Variants in SLC12A9 observed in about 807,000 individuals in gnomAD.
The protein encoded by SLC12A9 is solute carrier family 12 member 9.
Under a neutral mutation model 66.0 loss-of-function variants are expected in SLC12A9, and 55 were observed. That is an observed-to-expected ratio of 0.83 (90% CI 0.67 to 1.04). SLC12A9 has a LOEUF of 1.04. Among genes scored for constraint, SLC12A9 ranks in the 50% least tolerant of loss-of-function variants. The pLI is 0.00. For missense variants in SLC12A9, 1,061 were observed against 1,241.9 expected, an observed-to-expected ratio of 0.85 and a Z score of 2.19; for synonymous variants, 577 against 569.0, an observed-to-expected ratio of 1.01 and a Z score of -0.20.
chr7:100,866,254 G>C lies in SLC12A9; in HGVS notation c.2394G>C (p.Val798=). The C allele has an allele frequency of 6.3e-7, 1 of 1,588,328 alleles. No homozygotes were observed. Among genetic ancestry groups the C allele is most frequent in the Non-Finnish European group, 8.6e-7 (1 of 1,167,374 alleles). ...LLSQLRIRAE[V]QEVVWGEGAG... ...GCCAACTGAGGATCCGGGCTGAGGT[G>C]CAGGAGGTGGTGTGGGGCGAGGGGG... Residue 798 remains valine (V), a synonymous_variant, in exon 14 of 14, where the codon GTG becomes GTC. Transcript: ENST00000354161. This position sits in a 1 kb window ranked among gnomAD's most constrained non-coding sequence, Gnocchi z 7.3.
rs758932810 is a variant in SLC12A9, at chr7:100,866,632, G to C, written c.*27G>C. ...GCCCCTGCCTCCAGGGCTAGGTAGA[G>C]AGGGCCCAGGCAGGCGGCCTATCCT... On this transcript the variant is annotated 3_prime_UTR_variant, in exon 14 of 14. Coordinates refer to ENST00000354161, the MANE Select transcript of SLC12A9 (RefSeq NM_020246.4). This position sits in a 1 kb window ranked among gnomAD's most constrained non-coding sequence, Gnocchi z 7.3. 7 of 1,500,658 alleles carry C rather than the reference G, an allele frequency of 4.7e-6. No individual in the cohort carries two copies. Among genetic ancestry groups the C allele is most frequent in the Middle Eastern group, 1.7e-4 (1 of 5,728 alleles). 93.0% of individuals were successfully genotyped at this position (1,500,658 alleles called of 1,614,324 possible).
chr7:100,858,689 G>A, intron 5 of SLC12A9, 146 bp from the exon 6 acceptor site: 1 of 694,510 alleles, frequency 1.4e-6, no homozygotes, highest in Non-Finnish European at 2.5e-6. Flanking sequence ...CTGACCCAGG[G>A]CCAGTGCAGG....
intron 5 of SLC12A9, chr7:100,858,225 A>G (rs1031350756): frequency 6.6e-6 from 1 of 152,082 alleles, no homozygotes; most frequent in African/African-American, 2.4e-5. Context: ...CAGCCTGGCC[A>G]ACATGGTGAA....
intron 1 of SLC12A9, chr7:100,853,160 A>C (rs1411131726): frequency 6.7e-6 from 1 of 149,572 alleles, no homozygotes; most frequent in Admixed American, 6.7e-5. Context: ...AAGAGTTGGA[A>C]GTTTCTTGTT....
Position 100,861,335 on chromosome 7 carries a change from C to T in SLC12A9, c.1344-57C>T. ...GGCTCAGGCGTGGGGCTGGGGACTG[C>T]AGCCTCGTGTGCGGCCTGCCCTGAG... On this transcript the variant is annotated intron_variant, in intron 10 of 13. Transcript: ENST00000354161. This position sits in a 1 kb window ranked among gnomAD's most constrained non-coding sequence, Gnocchi z 5.3. 2 of 1,611,590 alleles carry T rather than the reference C, an allele frequency of 1.2e-6. No individual in the cohort carries two copies. Among genetic ancestry groups the T allele is most frequent in the Admixed American group, 1.7e-5 (1 of 59,980 alleles).
intron 1 of SLC12A9, among the ~76,000 whole-genome samples, chr7:100,845,875 T>C (rs1813900547): frequency 6.6e-6 from 1 of 152,226 alleles, no homozygotes; most frequent in African/African-American, 2.4e-5. Context: ...CTGAATCATA[T>C]GGTTACAAGC....
Position 100,861,728 on chromosome 7 carries a change from T to C in SLC12A9, c.1537-9T>C. On this transcript the variant is annotated splice_polypyrimidine_tract_variant and intron_variant, in intron 11 of 13. Coordinates refer to ENST00000354161, the MANE Select transcript of SLC12A9 (RefSeq NM_020246.4). The surrounding 1 kb of genome is among the most constrained non-coding windows in gnomAD (Gnocchi z 5.3). The stretch of plus-strand genomic sequence containing the variant: ...TGCCACTTCCCCACTGCCTCACCCC[T>C]ATACCCAGGTGCGTAAGTATCTGCT... The C allele has an allele frequency of 6.2e-7, 1 of 1,614,144 alleles. No homozygotes were observed.
Position 100,862,670 on chromosome 7 carries a change from C to G in SLC12A9, c.1712-11C>G. The G allele has an allele frequency of 1.2e-6, 2 of 1,613,286 alleles. No individual in the cohort carries two copies. The highest frequency in any genetic ancestry group is 1.7e-6 in the Non-Finnish European group (2 of 1,179,318). ...ACACTGGCTACCTTCCTTTCCTTATCTTCTCTGTAGACTCCCTGCCCTCGG... is the reference window on the plus strand; with the variant it reads ...ACACTGGCTACCTTCCTTTCCTTATGTTCTCTGTAGACTCCCTGCCCTCGG... On this transcript the variant is annotated splice_polypyrimidine_tract_variant and intron_variant, in intron 12 of 13. Coordinates refer to ENST00000354161, the MANE Select transcript of SLC12A9 (RefSeq NM_020246.4).
In SLC12A9 at chr7:100,862,733, G is replaced by C; in HGVS notation, c.1764G>C (p.Leu588=). ...VQPQYGAWLS[L]VDRAQVKAFV... ...CGCAGTATGGGGCATGGCTCAGCCTGGTGGACCGTGCCCAGGTGAAGGCTT... is the reference window on the plus strand; with the variant it reads ...CGCAGTATGGGGCATGGCTCAGCCTCGTGGACCGTGCCCAGGTGAAGGCTT... The change falls in exon 13 of 14, where the codon CTG becomes CTC. Residue 588 remains leucine (L), a synonymous_variant. Transcript: ENST00000354161. 6.2e-7 allele frequency: 1 copy of C among 1,614,212 alleles called. No individual in the cohort carries two copies. Among genetic ancestry groups the C allele is most frequent in the South Asian group, 1.1e-5 (1 of 91,088 alleles).
At chr7:100,843,779 G>T (rs895143054) in intron 1 of SLC12A9, among the ~76,000 whole-genome samples, 3 of 152,198 alleles carry the variant, frequency 2.0e-5, no homozygotes, top group African/African-American at 7.2e-5. Flanking sequence ...AGCTTGCTAT[G>T]TGAAAATCCC....
chr7:100,860,810 G>A (rs1814700826), intron 9 of SLC12A9: 6 of 435,388 alleles, frequency 1.4e-5, no homozygotes, highest in Admixed American at 6.4e-5. Context: ...ATGGTTCACT[G>A]GTACTTTCCA....
At chr7:100,860,947 CTT>C in intron 9 of SLC12A9, 189 bp from the exon 10 acceptor site, 2 of 1,023,692 alleles carry the variant, frequency 2.0e-6, no homozygotes, top group Non-Finnish European at 2.9e-6. Context: ...TGCACTGGCA[CTT>C]TTGGGGTTTA....
At chr7:100,843,464 C>G (rs575313641) in intron 1 of SLC12A9, among the ~76,000 whole-genome samples, 7 of 152,220 alleles carry the variant, frequency 4.6e-5, no homozygotes, top group Non-Finnish European at 8.8e-5. Flanking sequence ...GGCCCCAGCC[C>G]TGAGGCTACC....
intron 13 of SLC12A9, among the ~76,000 whole-genome samples, chr7:100,863,663 G>A (rs539559842): frequency 1.3e-5 from 2 of 152,210 alleles, no homozygotes; most frequent in South Asian, 2.1e-4. Flanking sequence ...TGTGTGGGGC[G>A]GACGTCTGTG....
Position 100,860,218 on chromosome 7 carries a change from T to C in SLC12A9, c.1204T>C (p.Trp402Arg). The C allele has an allele frequency of 1.2e-6, 2 of 1,614,102 alleles. No homozygotes were observed. Among genetic ancestry groups the C allele is most frequent in the Non-Finnish European group, 1.7e-6 (2 of 1,179,962 alleles). ...GNPWAAVLYS[W>R]GLVQLVLLAG... Reference sequence around the variant, plus strand: ...CCCCTGGGCAGCTGTACTTTATTCTTGGGGCCTGGTGCAGGTGAGCCTTCT... The same window carrying C: ...CCCCTGGGCAGCTGTACTTTATTCTCGGGGCCTGGTGCAGGTGAGCCTTCT... Residue 402 changes from tryptophan (W) to arginine (R), a missense_variant, in exon 9 of 14, where the codon TGG becomes CGG. Coordinates refer to ENST00000354161, the MANE Select transcript of SLC12A9 (RefSeq NM_020246.4).
At chr7:100,855,118 C>G (rs865911795) in intron 3 of SLC12A9, among the ~76,000 whole-genome samples, 1 of 152,088 alleles carries the variant, frequency 6.6e-6, no homozygotes, top group African/African-American at 2.4e-5. Flanking sequence ...GTGCCAAGAT[C>G]GCATCACTGC....
At chr7:100,848,531 A>AAATAAAT (rs1813971045), upstream of SLC12A9, among the ~76,000 whole-genome samples, 1 of 135,962 alleles carries the variant, frequency 7.4e-6, no homozygotes, top group Non-Finnish European at 1.6e-5. Context: ...AATAAATAAT[A>AAATAAAT]AATAAATACA....
chr7:100,835,221 T>A (rs950797391), intron 1 of SLC12A9, among the ~76,000 whole-genome samples: 4 of 150,718 alleles, frequency 2.7e-5, no homozygotes, highest in African/African-American at 9.8e-5. Flanking sequence ...CTGGGCATGG[T>A]GGTGCGTGCC....
At chr7:100,842,735 A>G (rs1183046034) in intron 1 of SLC12A9, among the ~76,000 whole-genome samples, 2 of 152,282 alleles carry the variant, frequency 1.3e-5, no homozygotes, top group Non-Finnish European at 2.9e-5. Flanking sequence ...TGCACATTAA[A>G]CAAAAGCAAT....
Sources: gnomAD v4.1 joint callset for allele counts (sites outside exome capture counted in the v4.1 genomes callset) on GRCh38, gnomAD v4.1.1 for gene constraint, Gnocchi (gnomAD v3.1) non-coding constraint, MANE v1.5 for transcripts, NCBI Gene and HGNC (gene_info 2026-07-23, HGNC 2026-07-21) for gene names.